The following TPO variants were observed in gnomAD, a reference collection of about 807,000 sequenced individuals.
The protein encoded by TPO is thyroid peroxidase, also known as thyroid microsomal antigen.
A neutral mutation model predicts 96.9 loss-of-function variants in TPO; 78 were observed. The ratio of observed to expected loss-of-function variants is 0.81; its 90% CI spans 0.67 to 0.97. TPO has a LOEUF of 0.97. Among genes scored for constraint, TPO ranks in the 50% least tolerant of loss-of-function variants. TPO has a pLI of 0.00. For synonymous variants in TPO, 547 were observed against 538.0 expected (o/e 1.02, Z -0.23); for missense variants, 1,252 against 1,274.8 (o/e 0.98, Z 0.27).
At chr2:1,490,647 T>C (rs531685192) in intron 10 of TPO, among the ~76,000 whole-genome samples, 1 of 152,332 alleles carries the variant, frequency 6.6e-6, no homozygotes, top group East Asian at 1.9e-4. Flanking sequence ...ACAGACAGTT[T>C]AGGCAACTTC....
intron 1 of TPO, among the ~76,000 whole-genome samples, chr2:1,400,464 G>A (rs1456662139): frequency 1.3e-5 from 2 of 150,730 alleles, no homozygotes; most frequent in Non-Finnish European, 2.9e-5. Flanking sequence ...TTGTACTTCA[G>A]TCTGGGTAAA....
At chr2:1,495,480 T>C (rs1293853147) in intron 11 of TPO, among the ~76,000 whole-genome samples, 3 of 152,240 alleles carry the variant, frequency 2.0e-5, no homozygotes, top group Non-Finnish European at 4.4e-5. Context: ...GCAGGGCACG[T>C]TGACTTCAGA....
chr2:1,453,902 G>A (rs1400525148), intron 6 of TPO, 79 bp downstream of exon 6: 2 of 1,596,410 alleles, frequency 1.3e-6, no homozygotes, highest in Non-Finnish European at 1.7e-6. Context: ...CTTTTACTGG[G>A]TTCTTGCTCG....
Position 1,542,767 on chromosome 2 carries a change from C to G in TPO, c.*293C>G. On this transcript the variant is annotated 3_prime_UTR_variant, in exon 17 of 17. Coordinates refer to ENST00000329066, the MANE Select transcript of TPO (RefSeq NM_001206744.2). ...GTGAACCCTGGAAACACCACTCTTGCAATCCTCCTGTCTCCACCTTCTGGC... is the reference window on the plus strand; with the variant it reads ...GTGAACCCTGGAAACACCACTCTTGGAATCCTCCTGTCTCCACCTTCTGGC... The G allele has an allele frequency of 1.3e-6, 1 of 743,084 alleles. No homozygotes were observed. Among genetic ancestry groups the G allele is most frequent in the South Asian group, 1.8e-5 (1 of 54,602 alleles). 46.0% of individuals were successfully genotyped at this position (743,084 alleles called of 1,614,324 possible).
intron 3 of TPO, among the ~76,000 whole-genome samples, chr2:1,430,136 T>C: frequency 6.6e-6 from 1 of 152,142 alleles, no homozygotes; most frequent in African/African-American, 2.4e-5. Context: ...GCCAGAGATC[T>C]AGGAGGAAAG....
rs553116396 is a variant in TPO at position 1,387,871 on chromosome 2, C to T, written n.180+13469C>T. Among the ~76,000 whole-genome samples the T allele has an allele frequency of 3.3e-5, 5 of 152,264 alleles. No homozygotes were observed. In the South Asian group the frequency reaches 1.0e-3, roughly 32 times the overall value. Reference sequence around the variant, plus strand: ...TACCTTTGGTCTTTGATGATGGTGACATACAGATGGGGTTTTGGTGTGGAT... The same window carrying T: ...TACCTTTGGTCTTTGATGATGGTGATATACAGATGGGGTTTTGGTGTGGAT... On this transcript the variant is annotated intron_variant and non_coding_transcript_variant, in intron 1 of 5. Coordinates refer to the TPO transcript ENST00000497517.
chr2:1,512,369 C>T (rs1674240578), intron 14 of TPO: 4 of 984,648 alleles, frequency 4.1e-6, no homozygotes, highest in East Asian at 1.1e-4. Flanking sequence ...CCTGCCTGGA[C>T]ACTGTCCATC....
At chr2:1,399,589 T>A (rs1662133844) in intron 1 of TPO, among the ~76,000 whole-genome samples, 1 of 152,228 alleles carries the variant, frequency 6.6e-6, no homozygotes, top group African/African-American at 2.4e-5. Flanking sequence ...CATGTAATAT[T>A]TTCAGACTGA....
chr2:1,529,921 C>CCCA (rs1355859693), intron 15 of TPO, among the ~76,000 whole-genome samples: 2 of 132,660 alleles, frequency 1.5e-5, no homozygotes, highest in African/African-American at 6.1e-5. Flanking sequence ...TCCCCAAACC[C>CCCA]CCCCCTTGCA....
Position 1,540,576 on chromosome 2 carries a change from G to C in TPO, c.2619-18G>C. The stretch of plus-strand genomic sequence containing the variant: ...GTGCCGGACCCTCTCCCGATAACTG[G>C]ACACGTGTCTCCCACAGGACACGCA... On this transcript the variant is annotated intron_variant, in intron 15 of 16. Coordinates refer to ENST00000329066, the MANE Select transcript of TPO (RefSeq NM_001206744.2). 1 of 1,612,498 alleles carries C rather than the reference G, an allele frequency of 6.2e-7. No homozygotes were observed. Among genetic ancestry groups the C allele is most frequent in the Non-Finnish European group, 8.5e-7 (1 of 1,180,004 alleles).
chr2:1,477,012 G>A, intron 7 of TPO, 74 bp from the exon 8 acceptor site: 4 of 1,522,002 alleles, frequency 2.6e-6, no homozygotes, highest in Non-Finnish European at 3.5e-6. Context: ...GGTCGTCGCC[G>A]GCCTCGAACT....
At chr2:1,375,656 C>T (rs775987857) in intron 1 of TPO, among the ~76,000 whole-genome samples, 7 of 152,040 alleles carry the variant, frequency 4.6e-5, no homozygotes, top group African/African-American at 1.2e-4. Context: ...TTGTGTGACG[C>T]GGGTCCCAAG....
chr2:1,408,173 G>A (rs149645621), intron 1 of TPO, among the ~76,000 whole-genome samples: 45 of 152,328 alleles, frequency 3.0e-4, no homozygotes, highest in African/African-American at 1.0e-3. Context: ...TCTTGTCCCC[G>A]TGTGCAGAGA....
At chr2:1,520,253 G>C (rs751354821) in intron 15 of TPO, among the ~76,000 whole-genome samples, 4 of 152,170 alleles carry the variant, frequency 2.6e-5, no homozygotes, top group Non-Finnish European at 5.9e-5. Context: ...CCCAGCAAAT[G>C]GGCTCAACAC....
chr2:1,422,395 G>GACTGACCTCGTGCA (rs1163151839), intron 2 of TPO, among the ~76,000 whole-genome samples: 7 of 151,448 alleles, frequency 4.6e-5, no homozygotes, highest in East Asian at 1.9e-4. Flanking sequence ...CGCCGCGCTG[G>GACTGACCTCGTGCA]GCCATGGGGA....
chr2:1,537,871 C>A (rs1287249346), intron 15 of TPO, among the ~76,000 whole-genome samples: 43 of 115,562 alleles, frequency 3.7e-4, no homozygotes, highest in African/African-American at 1.4e-3. Flanking sequence ...AAATCCCCCC[C>A]ACTGTGTGCA....
intron 15 of TPO, among the ~76,000 whole-genome samples, chr2:1,527,093 C>A (rs574328409): frequency 1.4e-5 from 2 of 139,192 alleles, no homozygotes; most frequent in Admixed American, 1.4e-4. Context: ...TCCCCAAATC[C>A]CCCCACTTTC....
At chr2:1,478,667 T>A (rs1267898867) in intron 8 of TPO, among the ~76,000 whole-genome samples, 1 of 151,998 alleles carries the variant, frequency 6.6e-6, no homozygotes. Flanking sequence ...GCCCTCACAC[T>A]TCTCCGGCAA....
intron 1 of TPO, 68 bp downstream of exon 1, chr2:1,413,613 G>T (rs896091779): frequency 2.1e-6 from 2 of 932,226 alleles, no homozygotes; most frequent in African/African-American, 3.6e-5. Flanking sequence ...TTGTAAAGTG[G>T]CCCAAGAGTG....
Sources: allele counts gnomAD v4.1 joint callset (sites outside exome capture counted in the v4.1 genomes callset), GRCh38; gene constraint gnomAD v4.1.1; transcripts MANE v1.5; gene names NCBI Gene and HGNC (gene_info 2026-07-23, HGNC 2026-07-21).